DISC1: variants seen among roughly 807,000 people sequenced by gnomAD.
DISC1 encodes the protein disrupted in schizophrenia 1 protein.
In DISC1, 57 loss-of-function variants were observed where a neutral mutation model predicts 84.5. The observed-to-expected ratio is 0.67, with a 90% confidence interval of 0.55 to 0.84. The LOEUF is 0.84. DISC1 is among the 40% of genes least tolerant of loss of function. DISC1 has a pLI of 0.00. For missense variants in DISC1, 1,000 were observed against 1,057.8 expected (o/e 0.95, Z 0.76); for synonymous variants, 411 against 415.2 (o/e 0.99, Z 0.12).
At chr1:232,015,913 T>C (rs1311522236) in intron 11 of DISC1, among the ~76,000 whole-genome samples, 2 of 152,176 alleles carry the variant, frequency 1.3e-5, no homozygotes, top group Non-Finnish European at 2.9e-5. Context: ...GATCTTATTT[T>C]GCTCATATGA....
chr1:231,962,347 A>ATAATTTCTTTTTC (rs1235607943), intron 10 of DISC1, among the ~76,000 whole-genome samples: 3 of 152,074 alleles, frequency 2.0e-5, no homozygotes, highest in Non-Finnish European at 4.4e-5. Flanking sequence ...TACTCTGTTG[A>ATAATTTCTTTTTC]TAATTTCTTT....
chr1:231,943,422 A>G (rs1328939960), intron 9 of DISC1, among the ~76,000 whole-genome samples: 1 of 152,226 alleles, frequency 6.6e-6, no homozygotes, highest in Non-Finnish European at 1.5e-5. Flanking sequence ...AGCTAGTTTG[A>G]ATAACTTCCG....
intron 8 of DISC1, among the ~76,000 whole-genome samples, chr1:231,804,317 C>G (rs1460850553): frequency 1.3e-5 from 2 of 152,102 alleles, no homozygotes; most frequent in African/African-American, 4.8e-5. Context: ...AACTGAAGAC[C>G]TGGACAGAGA....
At chr1:232,032,860 G>C (rs2103063184) in intron 12 of DISC1, among the ~76,000 whole-genome samples, 1 of 152,324 alleles carries the variant, frequency 6.6e-6, no homozygotes, top group East Asian at 1.9e-4. Context: ...TCAAGGTCAA[G>C]TGTTTCAATG....
intron 3 of DISC1, among the ~76,000 whole-genome samples, chr1:231,708,216 T>G (rs11122322): frequency 0.38 from 58,058 of 151,928 alleles, 11,490 homozygotes; most frequent in African/African-American, 0.49. Flanking sequence ...AGTCTGCGTG[T>G]ACTAGGTAGG....
At chr1:232,022,370 C>T (rs935749769) in intron 11 of DISC1, among the ~76,000 whole-genome samples, 10 of 149,050 alleles carry the variant, frequency 6.7e-5, no homozygotes, top group Admixed American at 4.7e-4. Flanking sequence ...TGCAGTGGTG[C>T]GATCTTGGCT....
chr1:231,908,507 AGGGCTCTGT>A (rs2088906358), intron 9 of DISC1, among the ~76,000 whole-genome samples: 1 of 152,092 alleles, frequency 6.6e-6, no homozygotes, highest in African/African-American at 2.4e-5. Flanking sequence ...ATTATTTCTG[AGGGCTCTGT>A]TCTGTTCCAT....
At chr1:231,636,271 CTG>C (rs1285060756) in intron 1 of DISC1, among the ~76,000 whole-genome samples, 1 of 152,182 alleles carries the variant, frequency 6.6e-6, no homozygotes, top group Non-Finnish European at 1.5e-5. Flanking sequence ...ATTTTCTCCT[CTG>C]TAGGGTGGCA....
rs11379930 is a variant in DISC1 at position 231,932,012 on chromosome 1, G to GT, written c.1982-26810dup. On this transcript the variant is annotated intron_variant, in intron 9 of 12. Coordinates refer to ENST00000439617, the MANE Select transcript of DISC1 (RefSeq NM_018662.3). ...GGGGAGCCCGACTATTTGCATACGT[G>GT]TTTTTTGCTCAGTACTGACACCTGG... Among the ~76,000 whole-genome samples, 1,194 of 152,126 alleles carry GT rather than the reference G, an allele frequency of 7.8e-3. 17 individuals carry two copies. Among genetic ancestry groups the GT allele is most frequent in the African/African-American group, 0.027 (1,118 of 41,464 alleles).
chr1:231,871,921 T>C (rs1472000710), intron 9 of DISC1, among the ~76,000 whole-genome samples: 1 of 152,216 alleles, frequency 6.6e-6, no homozygotes, highest in Non-Finnish European at 1.5e-5. Flanking sequence ...AGGAGAGCCA[T>C]GGACTGTGTG....
At chr1:231,783,537 A>T (rs558773406) in intron 6 of DISC1, among the ~76,000 whole-genome samples, 2 of 152,340 alleles carry the variant, frequency 1.3e-5, no homozygotes, top group East Asian at 3.9e-4. Context: ...GTTTGAGGCA[A>T]TGAGAAAGAT....
intron 3 of DISC1, among the ~76,000 whole-genome samples, chr1:231,731,231 A>G (rs2071472010): frequency 6.6e-6 from 1 of 152,268 alleles, no homozygotes; most frequent in Non-Finnish European, 1.5e-5. Flanking sequence ...GGCTTTGCCC[A>G]GGAAAGAATT....
rs2081241281 is a variant in DISC1, at chr1:231,818,349, A to G, written c.1813A>G (p.Lys605Glu). ...TGTAGGAAACCATTTCTGGACGGCTAAAGACCTCACCGAGGAGATTAGATC... is the reference window on the plus strand; with the variant it reads ...TGTAGGAAACCATTTCTGGACGGCTGAAGACCTCACCGAGGAGATTAGATC... ...AISGNHFWTA[K>E]DLTEEIRSLT... The change falls in exon 9 of 13, where the codon AAA (lysine) becomes GAA (glutamate). Residue 605 changes from lysine (K) to glutamate (E), a missense_variant. Lys to Glu is a moderately conservative substitution (Grantham distance 56, BLOSUM62 1). Transcript: ENST00000439617. 1.2e-6 allele frequency: 2 copies of G among 1,613,876 alleles called. No homozygotes were observed. Among genetic ancestry groups the G allele is most frequent in the South Asian group, 1.1e-5 (1 of 91,086 alleles).
At chr1:231,959,180 C>G (rs777888829) in intron 10 of DISC1, 68 of 1,069,048 alleles carry the variant, frequency 6.4e-5, no homozygotes, top group Non-Finnish European at 7.4e-5. Context: ...ATTCAGAATT[C>G]ATTCCTTAGT....
intron 1 of DISC1, among the ~76,000 whole-genome samples, chr1:231,657,395 G>A (rs564685779): frequency 3.9e-5 from 6 of 152,194 alleles, no homozygotes; most frequent in South Asian, 2.1e-4. Context: ...TATGTTGAGC[G>A]TTTTGTCATG....
At chr1:231,894,460 CA>C (rs2087517982) in intron 9 of DISC1, among the ~76,000 whole-genome samples, 1 of 151,944 alleles carries the variant, frequency 6.6e-6, no homozygotes. Flanking sequence ...TTTTGTCATA[CA>C]AAAAATTTTA....
At chr1:231,679,213 G>A (rs1024454462) in intron 1 of DISC1, among the ~76,000 whole-genome samples, 4 of 152,210 alleles carry the variant, frequency 2.6e-5, no homozygotes, top group African/African-American at 9.6e-5. Flanking sequence ...GTCTTGGACT[G>A]CATGAGTGAT....
intron 11 of DISC1, among the ~76,000 whole-genome samples, chr1:232,015,094 G>A (rs1668360539): frequency 6.6e-6 from 1 of 152,194 alleles, no homozygotes; most frequent in African/African-American, 2.4e-5. Context: ...CAAGCTGGCA[G>A]GTGGCTAAGA....
chr1:231,692,004 G>A (rs1045981425), intron 1 of DISC1, among the ~76,000 whole-genome samples: 3 of 152,164 alleles, frequency 2.0e-5, no homozygotes, highest in Non-Finnish European at 4.4e-5. Context: ...CTGCCTTCCT[G>A]TCATTTTACG....
Sources: allele counts gnomAD v4.1 joint callset (sites outside exome capture counted in the v4.1 genomes callset), GRCh38; gene constraint gnomAD v4.1.1; transcripts MANE v1.5; gene names NCBI Gene and HGNC (gene_info 2026-07-23, HGNC 2026-07-21).